The following GNB4 variants were observed in gnomAD, a reference collection of about 807,000 sequenced individuals.
GNB4 encodes the protein G protein subunit beta 4.
A neutral mutation model predicts 45.2 loss-of-function variants in GNB4; 28 were observed. The observed-to-expected ratio is 0.62, with a 90% CI of 0.46 to 0.85. GNB4 has a LOEUF of 0.85. GNB4 is among the 40% of genes least tolerant of loss of function. GNB4 has a pLI of 0.00. For synonymous variants in GNB4, 132 were observed against 143.7 expected (o/e 0.92, Z 0.58); for missense variants, 321 against 425.4 (o/e 0.75, Z 2.16).
intron 1 of GNB4, among the ~76,000 whole-genome samples, chr3:179,428,605 A>G (rs1432115534): frequency 6.6e-6 from 1 of 152,158 alleles, no homozygotes; most frequent in Non-Finnish European, 1.5e-5. Flanking sequence ...CCTACTAACT[A>G]AAACACTAGA....
chr3:179,418,949 G>A (rs753928394), intron 4 of GNB4, among the ~76,000 whole-genome samples: 5 of 152,252 alleles, frequency 3.3e-5, no homozygotes, highest in Non-Finnish European at 7.3e-5. Context: ...TGATGCAGTC[G>A]AGGGAGTAAA....
intron 1 of GNB4, among the ~76,000 whole-genome samples, chr3:179,428,254 A>G (rs1169462296): frequency 1.3e-5 from 2 of 152,164 alleles, no homozygotes; most frequent in African/African-American, 2.4e-5. Context: ...CTAATATTCC[A>G]TTTCCAATTT....
the GNB4 span, among the ~76,000 whole-genome samples, chr3:179,507,693 T>C: frequency 6.6e-6 from 1 of 152,160 alleles, no homozygotes; most frequent in African/African-American, 2.4e-5. Context: ...GCTCAGACAT[T>C]ACCTCCTCGG....
the GNB4 span, among the ~76,000 whole-genome samples, chr3:179,480,841 ATTTTTTTTTTTTCTT>A: frequency 7.3e-6 from 1 of 136,648 alleles, no homozygotes; most frequent in Non-Finnish European, 1.6e-5. Flanking sequence ...AACTGATTTC[ATTTTTTTTTTTTCTT>A]TTTTTTTTTT....
At chr3:179,418,912 T>C (rs1416941885) in intron 4 of GNB4, among the ~76,000 whole-genome samples, 1 of 152,272 alleles carries the variant, frequency 6.6e-6, no homozygotes, top group Non-Finnish European at 1.5e-5. Flanking sequence ...GATGGTCAGC[T>C]TGCACATTCA....
chr3:179,396,342 A>AC lies in GNB4; in HGVS notation c.*4870dup, dbSNP rs1478417637. 6.6e-6 allele frequency: 1 copy of AC among 152,236 alleles called. No individual in the cohort carries two copies. The allele number at this position is 152,236 out of a possible 1,614,324, so 9.4% of individuals were successfully genotyped here. A position where few individuals can be genotyped will look rare whatever the true frequency, so the allele number is the denominator to read the frequency against. ...TACAAATCATTCTAGGTAAAGACAA[A>AC]CACTTTCAGAATGCTTTAACAGAAA... On this transcript the variant is annotated 3_prime_UTR_variant, in exon 10 of 10. Transcript: ENST00000232564.
the GNB4 span, among the ~76,000 whole-genome samples, chr3:179,500,513 G>C: frequency 3.3e-5 from 5 of 152,154 alleles, no homozygotes; most frequent in African/African-American, 1.2e-4. Context: ...AAGTCAGGTA[G>C]CGTGATGCCT....
At chr3:179,464,506 G>T in the GNB4 span, 1 of 1,611,684 alleles carries the variant, frequency 6.2e-7, no homozygotes, top group Non-Finnish European at 8.5e-7. Flanking sequence ...CAGGAAGTGC[G>T]GCAGGAGGTA....
intron 2 of GNB4, among the ~76,000 whole-genome samples, chr3:179,425,939 G>A (rs924188687): frequency 2.0e-5 from 3 of 152,180 alleles, no homozygotes; most frequent in Non-Finnish European, 4.4e-5. Flanking sequence ...TTCTACATAG[G>A]TACTTGTTCG....
At chr3:179,471,074 C>CAG in the GNB4 span, among the ~76,000 whole-genome samples, 1 of 150,944 alleles carries the variant, frequency 6.6e-6, no homozygotes, top group Non-Finnish European at 1.5e-5. Flanking sequence ...AGCTACTCGG[C>CAG]AGGCTGAGGC....
chr3:179,401,477 TTCTCTGA>T lies in GNB4; in HGVS notation c.917-165_917-159del, dbSNP rs1714299605. Among the ~76,000 whole-genome samples, 3 of 152,324 alleles carry T rather than the reference TTCTCTGA, an allele frequency of 2.0e-5. No homozygotes were observed. In the South Asian group the frequency reaches 6.2e-4, roughly 32 times the overall value. ...AATAATTTAAAAGAAAACAACAAAT[TTCTCTGA>T]GTAAGAAGACAAGTTAGGAGTAAGC... On this transcript the variant is annotated intron_variant, in intron 9 of 9. Coordinates refer to ENST00000232564, the MANE Select transcript of GNB4 (RefSeq NM_021629.4).
At chr3:179,464,284 C>T in the GNB4 span, 3 of 533,112 alleles carry the variant, frequency 5.6e-6, no homozygotes, top group African/African-American at 3.8e-5. Flanking sequence ...CATAGAGAGA[C>T]TCCATCTCTA....
the GNB4 span, among the ~76,000 whole-genome samples, chr3:179,481,976 C>T: frequency 6.6e-6 from 1 of 152,086 alleles, no homozygotes; most frequent in Non-Finnish European, 1.5e-5. Flanking sequence ...AATCACAGCT[C>T]AATATAGCAT....
the GNB4 span, among the ~76,000 whole-genome samples, chr3:179,472,473 A>T: frequency 9.3e-5 from 14 of 150,682 alleles, no homozygotes; most frequent in Non-Finnish European, 1.8e-4. Context: ...CCAGGCTCAA[A>T]TGATCCTCCC....
the GNB4 span, among the ~76,000 whole-genome samples, chr3:179,516,120 T>A: frequency 6.6e-6 from 1 of 152,326 alleles, no homozygotes; most frequent in African/African-American, 2.4e-5. Flanking sequence ...TTGGGCTCTA[T>A]TCTTGAGAGA....
the GNB4 span, among the ~76,000 whole-genome samples, chr3:179,462,849 A>G: frequency 9.2e-5 from 14 of 152,260 alleles, no homozygotes; most frequent in East Asian, 1.9e-3. Context: ...AAAAAAAATT[A>G]TTGGTTCACT....
chr3:179,475,311 A>G, the GNB4 span, among the ~76,000 whole-genome samples: 1 of 151,520 alleles, frequency 6.6e-6, no homozygotes, highest in Non-Finnish European at 1.5e-5. Flanking sequence ...AATTGCAGAC[A>G]GGTTTCACCA....
At chr3:179,515,746 T>G in the GNB4 span, among the ~76,000 whole-genome samples, 1 of 152,076 alleles carries the variant, frequency 6.6e-6, no homozygotes, top group South Asian at 2.1e-4. Flanking sequence ...GTTGAAGTGT[T>G]GGGGCAGCAA....
intron 1 of GNB4, among the ~76,000 whole-genome samples, chr3:179,434,844 T>G (rs1405448394): frequency 6.6e-6 from 1 of 150,930 alleles, no homozygotes; most frequent in African/African-American, 2.4e-5. Flanking sequence ...AACCCAGGAG[T>G]TCAAGGCTGC....
Sources: gnomAD v4.1 joint callset for allele counts (sites outside exome capture counted in the v4.1 genomes callset) on GRCh38, gnomAD v4.1.1 for gene constraint, MANE v1.5 for transcripts, NCBI Gene and HGNC (gene_info 2026-07-23, HGNC 2026-07-21) for gene names.